CTNNA3: variants seen among roughly 807,000 people sequenced by gnomAD.
CTNNA3 encodes the protein catenin alpha-3.
CTNNA3 carries 76 observed loss-of-function variants against 95.7 expected under a neutral mutation model. The observed-to-expected ratio is 0.79, with a 90% CI of 0.66 to 0.96. The LOEUF is 0.96. CTNNA3 is among the 40% of genes least tolerant of loss of function. CTNNA3 has a pLI of 0.00. For synonymous variants in CTNNA3, 431 were observed against 374.4 expected (o/e 1.15, Z -1.74); for missense variants, 1,191 against 1,089.8 (o/e 1.09, Z -1.31).
intron 13 of CTNNA3, among the ~76,000 whole-genome samples, chr10:66,208,274 G>A (rs933134917): frequency 6.6e-6 from 1 of 151,930 alleles, no homozygotes; most frequent in African/African-American, 2.4e-5. Context: ...AAAGAGAAAC[G>A]AAAAGAATTC....
intron 2 of CTNNA3, among the ~76,000 whole-genome samples, chr10:67,642,458 C>T (rs1343817750): frequency 6.6e-6 from 1 of 152,184 alleles, no homozygotes; most frequent in Admixed American, 6.5e-5. Flanking sequence ...TGGCTCATGC[C>T]TGCAATCCCA....
At chr10:66,292,290 T>G (rs1043788539) in intron 12 of CTNNA3, among the ~76,000 whole-genome samples, 3 of 152,164 alleles carry the variant, frequency 2.0e-5, no homozygotes, top group Non-Finnish European at 4.4e-5. Flanking sequence ...TCAGTAATTA[T>G]GCACTGAGTG....
chr10:66,989,566 T>C (rs56408036), intron 7 of CTNNA3, among the ~76,000 whole-genome samples: 11,288 of 152,250 alleles, frequency 0.074, 580 homozygotes, highest in African/African-American at 0.13. Context: ...CAAATATCCA[T>C]GTTAGCTAAC....
intron 13 of CTNNA3, among the ~76,000 whole-genome samples, chr10:66,176,205 T>G (rs973218057): frequency 1.3e-5 from 2 of 152,136 alleles, no homozygotes; most frequent in African/African-American, 2.4e-5. Context: ...TGAAAGAGTA[T>G]AATTATACAA....
At chr10:66,287,301 C>T (rs1262857729) in intron 12 of CTNNA3, among the ~76,000 whole-genome samples, 2 of 151,998 alleles carry the variant, frequency 1.3e-5, no homozygotes, top group Non-Finnish European at 2.9e-5. Flanking sequence ...TTGCCTCTGC[C>T]CTACCTTTTT....
At chr10:66,906,680 A>G (rs1231148494) in intron 7 of CTNNA3, among the ~76,000 whole-genome samples, 1 of 151,990 alleles carries the variant, frequency 6.6e-6, no homozygotes, top group African/African-American at 2.4e-5. Context: ...TGCATATTGA[A>G]TTTGGTGTTG....
intron 7 of CTNNA3, among the ~76,000 whole-genome samples, chr10:67,031,789 T>A (rs562901317): frequency 6.6e-6 from 1 of 152,290 alleles, no homozygotes; most frequent in East Asian, 1.9e-4. Flanking sequence ...GTTCTTAGAG[T>A]TCTGCAATGT....
chr10:66,540,302 G>T (rs959000730), intron 10 of CTNNA3, among the ~76,000 whole-genome samples: 1 of 152,102 alleles, frequency 6.6e-6, no homozygotes, highest in Admixed American at 6.6e-5. Context: ...TGAAATACAG[G>T]CAATTTGTTG....
At chr10:67,595,534 G>A (rs905218524) in intron 3 of CTNNA3, among the ~76,000 whole-genome samples, 1 of 152,128 alleles carries the variant, frequency 6.6e-6, no homozygotes, top group Non-Finnish European at 1.5e-5. Flanking sequence ...TGAATTTGTT[G>A]AGAATTGCTT....
intron 10 of CTNNA3, among the ~76,000 whole-genome samples, chr10:66,582,702 C>T (rs146753372): frequency 1.1e-4 from 17 of 151,810 alleles, no homozygotes; most frequent in Admixed American, 3.3e-4. Context: ...AAGTCAGCAT[C>T]CTTGTCTTAT....
intron 13 of CTNNA3, among the ~76,000 whole-genome samples, chr10:66,169,989 C>G (rs1476158947): frequency 6.6e-6 from 1 of 152,026 alleles, no homozygotes; most frequent in Non-Finnish European, 1.5e-5. Flanking sequence ...ACTCTGCTGA[C>G]TATTTCTTTT....
At chr10:66,736,168 G>A (rs1849131739) in intron 9 of CTNNA3, among the ~76,000 whole-genome samples, 1 of 151,984 alleles carries the variant, frequency 6.6e-6, no homozygotes, top group African/African-American at 2.4e-5. Flanking sequence ...CATGGAGGAA[G>A]ACCTAGTGAA....
At chr10:67,084,104 T>C (rs980909809) in intron 7 of CTNNA3, among the ~76,000 whole-genome samples, 1 of 152,066 alleles carries the variant, frequency 6.6e-6, no homozygotes, top group African/African-American at 2.4e-5. Flanking sequence ...ATATGATATA[T>C]TAAAACACCT....
chr10:66,641,613 T>C (rs1845519006), intron 9 of CTNNA3, among the ~76,000 whole-genome samples: 1 of 152,186 alleles, frequency 6.6e-6, no homozygotes, highest in African/African-American at 2.4e-5. Flanking sequence ...GTTTATTCCT[T>C]TATTTAAAAC....
intron 11 of CTNNA3, among the ~76,000 whole-genome samples, chr10:66,518,514 G>C (rs1379059076): frequency 6.6e-6 from 1 of 152,032 alleles, no homozygotes; most frequent in African/African-American, 2.4e-5. Context: ...AATTTACTTT[G>C]TGAAGTCTAT....
At chr10:67,070,537 C>T (rs1256876825) in intron 7 of CTNNA3, among the ~76,000 whole-genome samples, 1 of 151,878 alleles carries the variant, frequency 6.6e-6, no homozygotes, top group East Asian at 1.9e-4. Context: ...TAACAAGGTC[C>T]GGAGATCGAG....
intron 11 of CTNNA3, among the ~76,000 whole-genome samples, chr10:66,506,414 G>A (rs986456430): frequency 8.0e-5 from 12 of 149,904 alleles, no homozygotes; most frequent in East Asian, 1.9e-4. Context: ...CCAACTTGCT[G>A]TCCCTCAAAC....
chr10:66,743,338 T>C (rs1849390642), intron 9 of CTNNA3, among the ~76,000 whole-genome samples: 1 of 152,178 alleles, frequency 6.6e-6, no homozygotes. Context: ...CGTACAAATT[T>C]ACCCTCTGCA....
chr10:66,270,190 C>G (rs142458420), intron 13 of CTNNA3, among the ~76,000 whole-genome samples: 2 of 148,658 alleles, frequency 1.3e-5, no homozygotes, highest in East Asian at 4.0e-4. Context: ...CCAAATCAAC[C>G]ACTTTATTTA....
Sources: gnomAD v4.1 joint callset for allele counts (sites outside exome capture counted in the v4.1 genomes callset) on GRCh38, gnomAD v4.1.1 for gene constraint, MANE v1.5 for transcripts, NCBI Gene and HGNC (gene_info 2026-07-23, HGNC 2026-07-21) for gene names.